The following MED12L variants were observed in gnomAD, a reference collection of about 807,000 sequenced individuals.
The protein encoded by MED12L is mediator complex subunit 12L, also known as mediator of RNA polymerase II transcription subunit 12-like protein.
A neutral mutation model predicts 281.3 loss-of-function variants in MED12L; 60 were observed. That is an observed-to-expected ratio of 0.21 (90% CI 0.17 to 0.26). MED12L has a LOEUF of 0.26. Among genes scored for constraint, MED12L ranks in the 10% least tolerant of loss-of-function variants. The pLI, the probability that MED12L is intolerant of heterozygous loss-of-function variation, is 1.00. For missense variants in MED12L, 2,146 were observed against 2,680.9 expected, an observed-to-expected ratio of 0.80 and a Z score of 4.41; for synonymous variants, 974 against 987.2, an observed-to-expected ratio of 0.99 and a Z score of 0.25.
rs1240656682 is a variant in MED12L at position 151,299,333 on chromosome 3, C to CTTCT, written c.2251-50718_2251-50715dup. ...GCCTAGGTCGGTCTTTCTTTCTTTC[C>CTTCT]TTCTTTCTTTCCTTCCTTCCTTCTT... On this transcript the variant is annotated intron_variant, in intron 16 of 44. Transcript: ENST00000687756. Among the ~76,000 whole-genome samples, 35 of 134,658 alleles carry CTTCT rather than the reference C, an allele frequency of 2.6e-4. 1 individual carries two copies. Among genetic ancestry groups the CTTCT allele is most frequent in the African/African-American group, 9.1e-4 (34 of 37,290 alleles). 88.3% of individuals were successfully genotyped at this position (134,658 alleles called of 152,430 possible). A position where few individuals can be genotyped will look rare whatever the true frequency, so the allele number is the denominator to read the frequency against.
At chr3:151,349,885 C>A in intron 16 of MED12L, among the ~76,000 whole-genome samples, 174 bp from the exon 17 acceptor site, 1 of 145,802 alleles carries the variant, frequency 6.9e-6, no homozygotes. Context: ...TTAGCAAGTT[C>A]CAAACTGGAA....
intron 16 of MED12L, among the ~76,000 whole-genome samples, chr3:151,301,436 T>C (rs1465352759): frequency 6.6e-6 from 1 of 152,122 alleles, no homozygotes; most frequent in African/African-American, 2.4e-5. Context: ...CACTGACAGT[T>C]GCAGTAAGAG....
intron 16 of MED12L, among the ~76,000 whole-genome samples, chr3:151,314,729 T>C (rs534411333): frequency 6.6e-6 from 1 of 152,284 alleles, no homozygotes; most frequent in South Asian, 2.1e-4. Flanking sequence ...GGTCCAAGCC[T>C]TGGGTTCTTT....
intron 16 of MED12L, among the ~76,000 whole-genome samples, chr3:151,347,352 T>G (rs1397581514): frequency 1.3e-5 from 2 of 152,228 alleles, no homozygotes; most frequent in Non-Finnish European, 2.9e-5. Context: ...CATTGCCTAT[T>G]AAGGAGATTA....
At chr3:151,135,579 C>G (rs1330764940) in intron 5 of MED12L, among the ~76,000 whole-genome samples, 2 of 152,106 alleles carry the variant, frequency 1.3e-5, no homozygotes, top group Non-Finnish European at 2.9e-5. Flanking sequence ...ACTTGCTGGC[C>G]TAGATGGAGT....
chr3:151,099,647 C>T (rs954426333), intron 2 of MED12L, among the ~76,000 whole-genome samples: 4 of 152,084 alleles, frequency 2.6e-5, no homozygotes, highest in Admixed American at 2.0e-4. Flanking sequence ...AAAATGTTCT[C>T]GAGAGCTCCA....
At chr3:151,368,705 ATTTCATT>A in intron 25 of MED12L, among the ~76,000 whole-genome samples, 1 of 32,134 alleles carries the variant, frequency 3.1e-5, no homozygotes, top group Non-Finnish European at 6.8e-5. Context: ...ATTTCATTTC[ATTTCATT>A]TCATTTCATT....
rs749079299 is a variant in MED12L at position 151,372,580 on chromosome 3, T to C, written c.3678T>C (p.Ile1226=). ...TCTATTACTTAGGAGATGCCAAAAT[T>C]GGCAATAACAGTGTCAGCTCTTTAA... The part of the protein sequence containing the change: ...KAIMMLGDAK[I]GNNSVSSLKN... The change falls in exon 27 of 45, where the codon ATT becomes ATC. Residue 1226 remains isoleucine, a synonymous_variant. Coordinates refer to ENST00000687756, the MANE Select transcript of MED12L (RefSeq NM_001393769.1). The C allele has an allele frequency of 2.5e-6, 4 of 1,613,602 alleles. No individual in the cohort carries two copies. In the African/African-American group the frequency reaches 4.0e-5, roughly 16 times the overall value.
intron 16 of MED12L, among the ~76,000 whole-genome samples, chr3:151,239,994 A>G (rs1333645363): frequency 6.6e-6 from 1 of 151,310 alleles, no homozygotes. Context: ...TACCCACCAG[A>G]TGTGTGAATC....
intron 16 of MED12L, chr3:151,213,525 A>G: frequency 3.1e-6 from 5 of 1,614,194 alleles, no homozygotes; most frequent in Non-Finnish European, 4.2e-6. Flanking sequence ...GGCAGCTGTA[A>G]TGAGCTTCGG....
chr3:151,270,023 TGAA>T lies in MED12L; in HGVS notation c.2250+76362_2250+76364del, dbSNP rs1740583517. On this transcript the variant is annotated intron_variant, in intron 16 of 44. Coordinates refer to ENST00000687756, the MANE Select transcript of MED12L (RefSeq NM_001393769.1). ...TGAAGAAAGGGAAGGAGATAAATGA[TGAA>T]GAAGGATGGGAAGATATTGATAAAG... The T allele has an allele frequency of 3.7e-5, 9 of 240,768 alleles. No individual in the cohort carries two copies. The South Asian group carries it at 4.6e-4, about 12-fold the overall frequency. The allele number at this position is 240,768 out of a possible 1,614,324, so 14.9% of individuals were successfully genotyped here. A position where few individuals can be genotyped will look rare whatever the true frequency, so the allele number is the denominator to read the frequency against.
In MED12L at chr3:151,226,589, C is replaced by T. The variant is rs16863261; in HGVS notation, c.2250+32923C>T. ...AGGCCCTTCAACATTTTGCTGGAGTCGCATCTTGAGAAGTCAGCCAGTGTT... is the reference window on the plus strand; with the variant it reads ...AGGCCCTTCAACATTTTGCTGGAGTTGCATCTTGAGAAGTCAGCCAGTGTT... On this transcript the variant is annotated intron_variant, in intron 16 of 44. Coordinates refer to ENST00000687756, the MANE Select transcript of MED12L (RefSeq NM_001393769.1). 5.7e-3 allele frequency among the ~76,000 whole-genome samples: 866 copies of T among 151,648 alleles called. 9 individuals carry two copies. The highest frequency in any genetic ancestry group is 0.02 in the African/African-American group (827 of 41,360).
chr3:151,372,497 C>T, intron 26 of MED12L, 70 bp from the exon 27 acceptor site: 3 of 1,106,006 alleles, frequency 2.7e-6, no homozygotes, highest in Non-Finnish European at 4.2e-6. Flanking sequence ...ATGCTATCCT[C>T]ATTTGCTCCT....
intron 16 of MED12L, among the ~76,000 whole-genome samples, chr3:151,235,268 G>A (rs1319821209): frequency 1.3e-5 from 2 of 152,174 alleles, no homozygotes; most frequent in Non-Finnish European, 2.9e-5. Flanking sequence ...AAAGATTTCT[G>A]GACCTTTGTA....
At chr3:151,091,901 G>T (rs1720097901) in intron 2 of MED12L, among the ~76,000 whole-genome samples, 3 of 152,190 alleles carry the variant, frequency 2.0e-5, no homozygotes, top group Admixed American at 2.0e-4. Context: ...TCATAGAGTT[G>T]CTGGGAAGAG....
intron 16 of MED12L, among the ~76,000 whole-genome samples, chr3:151,243,267 G>A (rs1233727476): frequency 4.0e-5 from 6 of 151,648 alleles, no homozygotes; most frequent in East Asian, 3.9e-4. Context: ...TACAGAGAAC[G>A]CCACAAAGAT....
chr3:151,242,455 G>C (rs543033108), intron 16 of MED12L, among the ~76,000 whole-genome samples: 1 of 152,262 alleles, frequency 6.6e-6, no homozygotes, highest in African/African-American at 2.4e-5. Context: ...TCCTCAAGTG[G>C]GTCCCTGACC....
intron 5 of MED12L, among the ~76,000 whole-genome samples, chr3:151,144,306 C>T (rs1223492627): frequency 2.6e-5 from 4 of 152,082 alleles, no homozygotes; most frequent in South Asian, 2.1e-4. Flanking sequence ...AGCATGTTTA[C>T]GTTAAAATGA....
intron 16 of MED12L, among the ~76,000 whole-genome samples, chr3:151,224,875 A>T (rs1377662008): frequency 6.6e-6 from 1 of 152,084 alleles, no homozygotes; most frequent in Non-Finnish European, 1.5e-5. Flanking sequence ...CCTCCTGTGT[A>T]CCCCTGATAT....
Sources: allele counts gnomAD v4.1 joint callset (sites outside exome capture counted in the v4.1 genomes callset), GRCh38; gene constraint gnomAD v4.1.1; transcripts MANE v1.5; gene names NCBI Gene and HGNC (gene_info 2026-07-23, HGNC 2026-07-21).